The following PGBD5 variants were observed in gnomAD, a reference collection of about 807,000 sequenced individuals.
PGBD5 encodes the protein piggyBac transposable element derived 5.
In PGBD5, 14 loss-of-function variants were observed where a neutral mutation model predicts 47.9. That is an observed-to-expected ratio of 0.29 (90% CI 0.19 to 0.46). The LOEUF (loss-of-function observed/expected upper bound fraction) is 0.46. Ranked by LOEUF, PGBD5 falls within the 20% of genes least tolerant of loss-of-function variation. The pLI is 1.00. For synonymous variants in PGBD5, 316 were observed against 306.3 expected (o/e 1.03, Z -0.33); for missense variants, 635 against 716.0 (o/e 0.89, Z 1.29).
rs989275879 is a variant in PGBD5 at position 230,425,071 on chromosome 1, AAGG to A, written c.331+524_331+526del. Among the ~76,000 whole-genome samples the A allele has an allele frequency of 6.6e-6, 1 of 152,116 alleles. No individual in the cohort carries two copies. The highest frequency in any genetic ancestry group is 6.5e-5 in the Admixed American group (1 of 15,278). Reference sequence around the variant, plus strand: ...GCGGACAGGGAAAGTTTCTCAGATTAAGGAGAAAACTAAGCCAAGTCAAGACGC... The same window carrying A: ...GCGGACAGGGAAAGTTTCTCAGATTAAGAAAACTAAGCCAAGTCAAGACGC... On this transcript the variant is annotated intron_variant, in intron 1 of 6. Coordinates refer to ENST00000391860, the MANE Select transcript of PGBD5 (RefSeq NM_001258311.2). The surrounding 1 kb of genome is among the most constrained non-coding windows in gnomAD (Gnocchi z 4.7).
intron 3 of PGBD5, among the ~76,000 whole-genome samples, chr1:230,339,586 C>T (rs76617109): frequency 0.031 from 4,671 of 152,252 alleles, 162 homozygotes; most frequent in African/African-American, 0.085. Flanking sequence ...TATTCACAAT[C>T]GCCAAGATAT....
intron 3 of PGBD5, among the ~76,000 whole-genome samples, chr1:230,342,449 G>A (rs1372568012): frequency 6.6e-6 from 1 of 152,210 alleles, no homozygotes; most frequent in Admixed American, 6.5e-5. Flanking sequence ...AAGTAATTCA[G>A]CTGTGGAAAC....
In PGBD5 at chr1:230,325,453, C is replaced by A. The variant is rs556226484; in HGVS notation, c.1274-38G>T. ...GACAAGATAAGCCCCTTCCTCAGCACCTCCTCCTAATGCCACTTTATAAAT... is the reference window on the plus strand; with the variant it reads ...GACAAGATAAGCCCCTTCCTCAGCAACTCCTCCTAATGCCACTTTATAAAT... On this transcript the variant is annotated intron_variant, in intron 5 of 6. Transcript: ENST00000391860. The A allele has an allele frequency of 4.8e-6, 7 of 1,451,554 alleles. No individual in the cohort carries two copies. In the African/African-American group the frequency reaches 8.4e-5, roughly 17 times the overall value. The allele number at this position is 1,451,554 out of a possible 1,614,324, so 89.9% of individuals were successfully genotyped here. A position where few individuals can be genotyped will look rare whatever the true frequency, so the allele number is the denominator to read the frequency against.
At chr1:230,408,794 C>T (rs1277726809) in intron 1 of PGBD5, among the ~76,000 whole-genome samples, 1 of 152,134 alleles carries the variant, frequency 6.6e-6, no homozygotes, top group Non-Finnish European at 1.5e-5. Flanking sequence ...TGATTTCAAA[C>T]TTGTCAGTGG....
chr1:230,377,514 T>C, intron 1 of PGBD5: 1 of 1,613,026 alleles, frequency 6.2e-7, no homozygotes, highest in Non-Finnish European at 8.5e-7. Flanking sequence ...ATGAATCGCT[T>C]GGCTGCAGAT....
chr1:230,380,705 A>C (rs974128509), intron 1 of PGBD5, among the ~76,000 whole-genome samples: 1 of 152,250 alleles, frequency 6.6e-6, no homozygotes. Flanking sequence ...GGGAAGCTAT[A>C]CAGGTCAGCA....
At chr1:230,341,388 T>C (rs2102694174) in intron 3 of PGBD5, among the ~76,000 whole-genome samples, 1 of 152,320 alleles carries the variant, frequency 6.6e-6, no homozygotes, top group East Asian at 1.9e-4. Flanking sequence ...TTGTTTCCCT[T>C]AGCTGGATGA....
At chr1:230,376,837 G>C (rs1204982174) in intron 1 of PGBD5, among the ~76,000 whole-genome samples, 1 of 152,182 alleles carries the variant, frequency 6.6e-6, no homozygotes, top group Non-Finnish European at 1.5e-5. Context: ...GCAATAAGCA[G>C]GTCCTAACTT....
At chr1:230,417,115 G>A (rs993398253) in intron 1 of PGBD5, among the ~76,000 whole-genome samples, 1 of 152,152 alleles carries the variant, frequency 6.6e-6, no homozygotes, top group African/African-American at 2.4e-5. Flanking sequence ...CAAATGAGGG[G>A]AAGGAAAGTT....
chr1:230,401,159 C>T (rs1443390327), intron 1 of PGBD5, among the ~76,000 whole-genome samples: 1 of 152,218 alleles, frequency 6.6e-6, no homozygotes, highest in Non-Finnish European at 1.5e-5. Context: ...CCGCATTCAC[C>T]ATTAGGAGAG....
At chr1:230,376,945 CAG>C (rs1668022781) in intron 1 of PGBD5, among the ~76,000 whole-genome samples, 1 of 152,186 alleles carries the variant, frequency 6.6e-6, no homozygotes, top group Non-Finnish European at 1.5e-5. Context: ...GTGCTTAACA[CAG>C]GGCCAGGCAC....
intron 1 of PGBD5, among the ~76,000 whole-genome samples, chr1:230,401,094 C>G (rs1045928882): frequency 3.9e-5 from 6 of 152,220 alleles, no homozygotes; most frequent in African/African-American, 1.4e-4. Flanking sequence ...CCACCTGATA[C>G]CTAACATTTA....
At chr1:230,409,367 C>G (rs747826989) in intron 1 of PGBD5, among the ~76,000 whole-genome samples, 1 of 152,116 alleles carries the variant, frequency 6.6e-6, no homozygotes, top group African/African-American at 2.4e-5. Flanking sequence ...GGTATATACC[C>G]AAGAAAAATG....
Position 230,316,177 on chromosome 1 carries a change from C to CGTATATGT in PGBD5, c.*7247_*7248insACATATAC, listed in dbSNP as rs1666946818. 1.4e-5 allele frequency: 1 copy of CGTATATGT among 70,110 alleles called. No individual in the cohort carries two copies. Among genetic ancestry groups the CGTATATGT allele is most frequent in the East Asian group, 7.4e-4 (1 of 1,356 alleles). 4.3% of individuals were successfully genotyped at this position (70,110 alleles called of 1,614,324 possible). On this transcript the variant is annotated 3_prime_UTR_variant, in exon 7 of 7. Coordinates refer to ENST00000391860, the MANE Select transcript of PGBD5 (RefSeq NM_001258311.2). ...ATATATGTATGTGTATACATACATA[C>CGTATATGT]GTACACATGTGCATGTGTATACATA...
intron 1 of PGBD5, among the ~76,000 whole-genome samples, chr1:230,402,615 G>A (rs12045434): frequency 0.14 from 21,099 of 151,974 alleles, 2,044 homozygotes; most frequent in Admixed American, 0.32. Flanking sequence ...CACCACTCCT[G>A]GCTAATTTTT....
At chr1:230,412,387 CT>C (rs34303231) in intron 1 of PGBD5, among the ~76,000 whole-genome samples, 13,819 of 127,474 alleles carry the variant, frequency 0.11, 589 homozygotes, top group South Asian at 0.2. Context: ...ATCCTAAAGT[CT>C]TTTTTTTTTT....
chr1:230,337,970 C>G (rs566633361), intron 3 of PGBD5, among the ~76,000 whole-genome samples: 1 of 152,306 alleles, frequency 6.6e-6, no homozygotes, highest in South Asian at 2.1e-4. Context: ...GCCTCCAGTA[C>G]AGGTGCAAGA....
intron 6 of PGBD5, among the ~76,000 whole-genome samples, chr1:230,324,692 T>C (rs1046352862): frequency 2.0e-5 from 3 of 152,204 alleles, no homozygotes; most frequent in African/African-American, 7.2e-5. Flanking sequence ...TCGTCATTTT[T>C]TGAGTTCCCA....
chr1:230,414,781 G>A (rs927320217), intron 1 of PGBD5, among the ~76,000 whole-genome samples: 2 of 152,208 alleles, frequency 1.3e-5, no homozygotes, highest in Non-Finnish European at 2.9e-5. Flanking sequence ...GGACCTGAAG[G>A]AAGCAAATGT....
Sources: gnomAD v4.1 joint callset for allele counts (sites outside exome capture counted in the v4.1 genomes callset) on GRCh38, gnomAD v4.1.1 for gene constraint, Gnocchi (gnomAD v3.1) non-coding constraint, MANE v1.5 for transcripts, NCBI Gene and HGNC (gene_info 2026-07-23, HGNC 2026-07-21) for gene names.